The following PROS1 variants were observed in gnomAD, a reference collection of about 807,000 sequenced individuals.
PROS1 encodes vitamin K-dependent protein S.
Under a neutral mutation model 75.9 loss-of-function variants are expected in PROS1, and 29 were observed. That is an observed-to-expected ratio of 0.38 (90% confidence interval 0.28 to 0.52). PROS1 has a LOEUF of 0.52. Among genes scored for constraint, PROS1 ranks in the 20% least tolerant of loss-of-function variants. PROS1 has a pLI of 0.83. For synonymous variants in PROS1, 245 were observed against 280.6 expected (o/e 0.87, Z 1.27); for missense variants, 680 against 810.3 (o/e 0.84, Z 1.95).
At chr3:93,900,093 C>A (rs1044824217) in intron 7 of PROS1, among the ~76,000 whole-genome samples, 1 of 151,976 alleles carries the variant, frequency 6.6e-6, no homozygotes, top group Admixed American at 6.6e-5. Flanking sequence ...TTTAAAAAAT[C>A]GAAAGGAAGG....
chr3:93,956,558 AC>A (rs1235739159), intron 1 of PROS1, among the ~76,000 whole-genome samples: 6 of 80,322 alleles, frequency 7.5e-5, no homozygotes, highest in South Asian at 3.9e-4. Context: ...ACACACACAC[AC>A]ACAAACACAC....
intron 6 of PROS1, among the ~76,000 whole-genome samples, chr3:93,904,848 GA>G (rs1708649975): frequency 6.6e-6 from 1 of 151,890 alleles, no homozygotes; most frequent in African/African-American, 2.4e-5. Context: ...GGAAAACAAT[GA>G]AAAACAAAAC....
chr3:93,952,435 C>T (rs1239616749), intron 1 of PROS1, among the ~76,000 whole-genome samples: 1 of 152,038 alleles, frequency 6.6e-6, no homozygotes, highest in African/African-American at 2.4e-5. Context: ...CACTCAAAAC[C>T]ACTCAACTAC....
At chr3:93,905,670 G>A (rs1708662050) in intron 6 of PROS1, 114 bp downstream of exon 6, 1 of 1,112,278 alleles carries the variant, frequency 9.0e-7, no homozygotes. Context: ...CGATAAAAAT[G>A]TGTTAGTATA....
intron 3 of PROS1, among the ~76,000 whole-genome samples, chr3:93,913,564 T>TAA (rs1708792567): frequency 6.6e-6 from 1 of 152,194 alleles, no homozygotes; most frequent in Non-Finnish European, 1.5e-5. Flanking sequence ...ATGTCTTTAT[T>TAA]AGCAACATGA....
chr3:93,913,611 T>A (rs1408703862), intron 3 of PROS1, among the ~76,000 whole-genome samples: 1 of 152,248 alleles, frequency 6.6e-6, no homozygotes, highest in African/African-American at 2.4e-5. Flanking sequence ...CCTTCCGCCA[T>A]GATTCTAAGT....
chr3:93,896,393 G>C (rs1474487758), intron 9 of PROS1, among the ~76,000 whole-genome samples, 183 bp downstream of exon 9: 2 of 152,166 alleles, frequency 1.3e-5, no homozygotes, highest in African/African-American at 4.8e-5. Context: ...AAGGTTTTAG[G>C]ATGAAAATTA....
At chr3:93,944,936 G>C (rs972017945) in intron 1 of PROS1, among the ~76,000 whole-genome samples, 5 of 151,660 alleles carry the variant, frequency 3.3e-5, no homozygotes, top group Admixed American at 2.0e-4. Flanking sequence ...TAATAAAGAA[G>C]AAAAGAGAGA....
intron 1 of PROS1, among the ~76,000 whole-genome samples, chr3:93,960,534 T>C (rs1238928116): frequency 8.4e-6 from 1 of 119,304 alleles, no homozygotes; most frequent in Non-Finnish European, 1.7e-5. Context: ...CCATTGCTCT[T>C]TTTTTTTTTT....
intron 14 of PROS1, among the ~76,000 whole-genome samples, chr3:93,875,422 G>C (rs971862337): frequency 3.9e-5 from 6 of 152,032 alleles, no homozygotes; most frequent in Non-Finnish European, 5.9e-5. Context: ...TTTGCCTGAA[G>C]TTAGTCCTCA....
At chr3:93,940,646 C>A (rs1416533838) in intron 1 of PROS1, among the ~76,000 whole-genome samples, 1 of 151,986 alleles carries the variant, frequency 6.6e-6, no homozygotes, top group Non-Finnish European at 1.5e-5. Context: ...TCCTTCACAT[C>A]TTCCTCTCAT....
intron 3 of PROS1, 67 bp from the exon 4 acceptor site, chr3:93,910,772 G>A: frequency 7.6e-7 from 1 of 1,321,776 alleles, no homozygotes; most frequent in Admixed American, 1.9e-5. Context: ...TTCATGGTAG[G>A]AACTGTCCCA....
At chr3:93,941,834 ACT>A (rs1183032531) in intron 1 of PROS1, among the ~76,000 whole-genome samples, 2 of 151,360 alleles carry the variant, frequency 1.3e-5, no homozygotes, top group African/African-American at 4.9e-5. Context: ...TTCTCAACAC[ACT>A]CTCTACAATT....
At position 93,886,386 on chromosome 3, in the gene PROS1, C is replaced by T. The variant is rs756068205; in HGVS notation, c.1273G>A (p.Val425Ile). Reference sequence around the variant, plus strand: ...TTCCGAGGGAATCCTGCAAAGTATACTTTGGTTTCCAGCAATCCATTTTCC... The same window carrying T: ...TTCCGAGGGAATCCTGCAAAGTATATTTTGGTTTCCAGCAATCCATTTTCC... ...KPENGLLETK[V>I]YFAGFPRKVE... Residue 425 changes from valine to isoleucine, a missense_variant, in exon 11 of 15, where the codon GTA becomes ATA. Val to Ile is a conservative substitution (Grantham distance 29). Transcript: ENST00000394236. 1.2e-6 allele frequency: 2 copies of T among 1,613,834 alleles called. No individual in the cohort carries two copies. The highest frequency in any genetic ancestry group is 8.5e-7 in the Non-Finnish European group (1 of 1,179,848).
intron 1 of PROS1, among the ~76,000 whole-genome samples, chr3:93,947,554 C>A (rs1162792612): frequency 6.6e-6 from 1 of 151,892 alleles, no homozygotes; most frequent in African/African-American, 2.4e-5. Flanking sequence ...GCCGATAAAG[C>A]AACTAGAAAG....
In PROS1 at chr3:93,945,878, T is replaced by C. The variant is rs569638106; in HGVS notation, c.77-18471A>G. Among the ~76,000 whole-genome samples the C allele has an allele frequency of 5.9e-5, 9 of 152,320 alleles. No individual in the cohort carries two copies. In the East Asian group the frequency reaches 1.2e-3, roughly 20 times the overall value. On this transcript the variant is annotated intron_variant, in intron 1 of 14. Transcript: ENST00000394236. ...AAGAGGAAGTCAAATTGTCCCTGTG[T>C]GCAGATGACATGACTGTATATTTAG...
At chr3:93,944,354 A>C (rs1709344353) in intron 1 of PROS1, among the ~76,000 whole-genome samples, 1 of 152,196 alleles carries the variant, frequency 6.6e-6, no homozygotes, top group African/African-American at 2.4e-5. Context: ...GAGAAAAATC[A>C]ACAAAATATA....
At chr3:93,897,473 T>G (rs1410209989) in intron 8 of PROS1, among the ~76,000 whole-genome samples, 1 of 152,036 alleles carries the variant, frequency 6.6e-6, no homozygotes, top group Non-Finnish European at 1.5e-5. Flanking sequence ...AGGCAGACGG[T>G]GATATGTAAC....
At chr3:93,885,353 G>A (rs1215665633) in intron 11 of PROS1, among the ~76,000 whole-genome samples, 1 of 152,136 alleles carries the variant, frequency 6.6e-6, no homozygotes, top group African/African-American at 2.4e-5. Flanking sequence ...AGCCTCCTGA[G>A]TAGCTGGGAT....
Sources: allele counts gnomAD v4.1 joint callset (sites outside exome capture counted in the v4.1 genomes callset), GRCh38; gene constraint gnomAD v4.1.1; transcripts MANE v1.5; gene names NCBI Gene and HGNC (gene_info 2026-07-23, HGNC 2026-07-21).